KCNMA1: variants seen among roughly 807,000 people sequenced by gnomAD.
KCNMA1 encodes the protein Calcium-activated potassium channel subunit alpha-1.
A neutral mutation model predicts 140.0 loss-of-function variants in KCNMA1; 29 were observed. The ratio of observed to expected loss-of-function variants is 0.21; its 90% CI spans 0.15 to 0.28. The LOEUF is 0.28. Ranked by LOEUF, KCNMA1 falls within the 10% of genes least tolerant of loss-of-function variation. The probability of loss-of-function intolerance (pLI) is 1.00; values close to 1 mark genes in which losing one functional copy is unlikely to be tolerated. For missense variants in KCNMA1, 880 were observed against 1,602.2 expected, an observed-to-expected ratio of 0.55 and a Z score of 7.70; for synonymous variants, 612 against 611.9, an observed-to-expected ratio of 1.00 and a Z score of 0.00.
At position 77,082,002 on chromosome 10, in the gene KCNMA1, C is replaced by CTTTTTTTT. The variant is rs772878572; in HGVS notation, c.1524-2453_1524-2452insAAAAAAAA. On this transcript the variant is annotated intron_variant, in intron 12 of 27. Transcript: ENST00000286628. The stretch of plus-strand genomic sequence containing the variant: ...CCTTTGACCAGTAATTTCTTTTTTT[C>CTTTTTTTT]TTTTCTTTTTTTTTTTTTTTTTTTT... Among the ~76,000 whole-genome samples the CTTTTTTTT allele has an allele frequency of 4.7e-3, 241 of 51,654 alleles. 28 individuals carry two copies. The highest frequency in any genetic ancestry group is 8.1e-3 in the African/African-American group (147 of 18,080). 33.9% of individuals were successfully genotyped at this position (51,654 alleles called of 152,430 possible).
intron 2 of KCNMA1, among the ~76,000 whole-genome samples, chr10:77,369,574 G>T (rs2094553811): frequency 6.6e-6 from 1 of 152,118 alleles, no homozygotes; most frequent in African/African-American, 2.4e-5. Flanking sequence ...ACTTCAATGA[G>T]AATTTTCAAG....
intron 2 of KCNMA1, among the ~76,000 whole-genome samples, chr10:77,325,674 C>T (rs570554233): frequency 4.6e-5 from 7 of 152,300 alleles, no homozygotes; most frequent in Admixed American, 2.6e-4. Context: ...TTCTCATGAT[C>T]GCTTCTTTCT....
At chr10:77,048,525 G>A (rs1026290607) in intron 14 of KCNMA1, among the ~76,000 whole-genome samples, 2 of 152,168 alleles carry the variant, frequency 1.3e-5, no homozygotes, top group African/African-American at 2.4e-5. Context: ...GCCCCTACTA[G>A]AATGTGGGAA....
intron 1 of KCNMA1, among the ~76,000 whole-genome samples, chr10:77,604,756 C>T (rs2083826176): frequency 6.6e-6 from 1 of 151,820 alleles, no homozygotes; most frequent in Admixed American, 6.6e-5. Context: ...TATGTCATAT[C>T]CCATAAACCA....
At chr10:77,086,413 T>G (rs2153772905) in intron 11 of KCNMA1, 75 bp downstream of exon 11, 1 of 1,089,384 alleles carries the variant, frequency 9.2e-7, no homozygotes, top group East Asian at 2.4e-5. Context: ...GTGTGTCCCC[T>G]CAGCACAGAG....
At chr10:77,406,101 G>C (rs2096463439) in intron 1 of KCNMA1, among the ~76,000 whole-genome samples, 1 of 152,196 alleles carries the variant, frequency 6.6e-6, no homozygotes, top group South Asian at 2.1e-4. Context: ...TGTATCTGGG[G>C]GCTGCCTGCT....
intron 2 of KCNMA1, among the ~76,000 whole-genome samples, chr10:77,280,101 A>G (rs563570683): frequency 6.6e-6 from 1 of 152,278 alleles, no homozygotes; most frequent in South Asian, 2.1e-4. Context: ...GAGAACACCA[A>G]CATACCAAAG....
intron 1 of KCNMA1, among the ~76,000 whole-genome samples, chr10:77,496,692 T>TTGA (rs142342154): frequency 0.25 from 37,273 of 151,108 alleles, 4,827 homozygotes; most frequent in East Asian, 0.53. Flanking sequence ...GTTTACCTAC[T>TTGA]TGATTTCTCA....
chr10:76,993,632 G>T (rs1054563658), intron 19 of KCNMA1, among the ~76,000 whole-genome samples: 1 of 152,166 alleles, frequency 6.6e-6, no homozygotes, highest in African/African-American at 2.4e-5. Context: ...TCCTCCCCGA[G>T]AGGGGGGCTT....
chr10:77,016,260 C>T (rs1036393498), intron 17 of KCNMA1, among the ~76,000 whole-genome samples: 9 of 152,120 alleles, frequency 5.9e-5, no homozygotes, highest in Non-Finnish European at 1.0e-4. Flanking sequence ...GAGAAGCTTT[C>T]ACTTATACCC....
chr10:77,210,558 A>G (rs1319424757), intron 3 of KCNMA1, among the ~76,000 whole-genome samples: 1 of 152,196 alleles, frequency 6.6e-6, no homozygotes, highest in African/African-American at 2.4e-5. Flanking sequence ...TGCAAGTCCT[A>G]GCCTGAGCAA....
At chr10:77,613,623 T>C (rs1256458493) in intron 1 of KCNMA1, among the ~76,000 whole-genome samples, 1 of 152,220 alleles carries the variant, frequency 6.6e-6, no homozygotes, top group Non-Finnish European at 1.5e-5. Flanking sequence ...CTCTGTGCTG[T>C]TATTTCCCCG....
chr10:77,050,129 C>T (rs770194754), intron 14 of KCNMA1, among the ~76,000 whole-genome samples: 7 of 152,074 alleles, frequency 4.6e-5, no homozygotes, highest in Non-Finnish European at 1.0e-4. Context: ...CCCTCCTTGT[C>T]TTCTCCTTGT....
intron 14 of KCNMA1, chr10:77,064,113 C>A (rs1017979059): frequency 1.0e-6 from 1 of 985,060 alleles, no homozygotes; most frequent in African/African-American, 1.7e-5. Context: ...CATGCCAAGA[C>A]CCATATAAAA....
chr10:76,914,911 C>A, intron 24 of KCNMA1, 25 bp downstream of exon 24: 2 of 1,512,028 alleles, frequency 1.3e-6, no homozygotes, highest in Admixed American at 1.7e-5. Flanking sequence ...CAAAAACTCC[C>A]CCCAAAGCTG....
At chr10:77,590,843 CAGCTGCTTCTGTACCAGACACTCTAGCG>C (rs2078918854) in intron 1 of KCNMA1, among the ~76,000 whole-genome samples, 1 of 152,184 alleles carries the variant, frequency 6.6e-6, no homozygotes, top group African/African-American at 2.4e-5. Context: ...GAAAAAGGTC[CAGCTGCTTCTGTACCAGACACTCTAGCG>C]AGACTCAAAT....
chr10:76,964,360 G>C (rs1237724271), intron 20 of KCNMA1, among the ~76,000 whole-genome samples: 2 of 152,102 alleles, frequency 1.3e-5, no homozygotes, highest in Non-Finnish European at 2.9e-5. Context: ...TTATGTTTGG[G>C]AGACAGCCTG....
rs548928827 is a variant in KCNMA1, at chr10:77,233,866, A to G, written c.602+17329T>C. ...CTCTTGTCTTTGACTTTTATTCCCC[A>G]GTTAGCCCCACTTTGTTCAGTCCAC... On this transcript the variant is annotated intron_variant, in intron 3 of 27. Transcript: ENST00000286628. Among the ~76,000 whole-genome samples the G allele has an allele frequency of 3.3e-5, 5 of 152,218 alleles. No individual in the cohort carries two copies. In the East Asian group the frequency reaches 9.7e-4, roughly 29 times the overall value.
chr10:76,928,497 T>C (rs1161848631), intron 23 of KCNMA1, among the ~76,000 whole-genome samples: 2 of 152,144 alleles, frequency 1.3e-5, no homozygotes. Flanking sequence ...ATGGAACTTT[T>C]GGAACATAAA....
Sources: gnomAD v4.1 joint callset for allele counts (sites outside exome capture counted in the v4.1 genomes callset) on GRCh38, gnomAD v4.1.1 for gene constraint, MANE v1.5 for transcripts, NCBI Gene and HGNC (gene_info 2026-07-23, HGNC 2026-07-21) for gene names.